RGS7: variants seen among roughly 807,000 people sequenced by gnomAD.
RGS7 encodes regulator of G-protein signaling 7.
Under a neutral mutation model 81.1 loss-of-function variants are expected in RGS7, and 27 were observed. The observed-to-expected ratio is 0.33, with a 90% CI of 0.25 to 0.46. The LOEUF (loss-of-function observed/expected upper bound fraction) is 0.46, where lower values mean the gene tolerates loss of function less well. RGS7 is among the 20% of genes least tolerant of loss of function. The pLI, the probability that RGS7 is intolerant of heterozygous loss-of-function variation, is 1.00. For missense variants in RGS7, 396 were observed against 607.4 expected, an observed-to-expected ratio of 0.65 and a Z score of 3.66; for synonymous variants, 208 against 207.7, an observed-to-expected ratio of 1.00 and a Z score of -0.01.
intron 2 of RGS7, among the ~76,000 whole-genome samples, chr1:241,161,336 C>T (rs953452712): frequency 6.6e-6 from 1 of 152,072 alleles, no homozygotes; most frequent in African/African-American, 2.4e-5. Context: ...CAGCACTCTT[C>T]ACCTAACTGG....
At chr1:241,045,873 C>A (rs1488746641) in intron 3 of RGS7, among the ~76,000 whole-genome samples, 1 of 152,092 alleles carries the variant, frequency 6.6e-6, no homozygotes, top group African/African-American at 2.4e-5. Context: ...GGCAAAGGGG[C>A]CCTGGAGTTC....
chr1:241,125,016 T>C lies in RGS7; in HGVS notation c.79-26254A>G, dbSNP rs541707005. ...AGAAAATACTACTTGGGATGGCAGG[T>C]TGTTTTGCACGGTCATGCCCTTTTA... On this transcript the variant is annotated intron_variant, in intron 2 of 18. Transcript: ENST00000440928. 2.8e-4 allele frequency among the ~76,000 whole-genome samples: 42 copies of C among 152,254 alleles called. No homozygotes were observed. The East Asian group carries it at 7.9e-3, about 29-fold the overall frequency.
intron 2 of RGS7, among the ~76,000 whole-genome samples, chr1:241,138,956 G>A (rs541335173): frequency 6.6e-6 from 1 of 151,834 alleles, no homozygotes; most frequent in African/African-American, 2.4e-5. Flanking sequence ...TCAATTCCAG[G>A]ACCAACGAGA....
At chr1:241,050,928 T>C (rs79953959) in intron 3 of RGS7, among the ~76,000 whole-genome samples, 5,927 of 152,286 alleles carry the variant, frequency 0.039, 125 homozygotes, top group Middle Eastern at 0.048. Flanking sequence ...AGTAAGTTAT[T>C]AGCAGCCAAG....
chr1:241,281,254 G>A (rs1211345877), intron 2 of RGS7, among the ~76,000 whole-genome samples: 1 of 152,180 alleles, frequency 6.6e-6, no homozygotes. Flanking sequence ...TAAAGATGCA[G>A]TATTAAATTA....
At chr1:240,887,359 G>A (rs1396796552) in intron 6 of RGS7, among the ~76,000 whole-genome samples, 3 of 151,396 alleles carry the variant, frequency 2.0e-5, no homozygotes, top group African/African-American at 7.3e-5. Context: ...CTCCCGAGTA[G>A]CTGGGACTGC....
At chr1:240,778,572 C>T (rs189017211) in intron 18 of RGS7, among the ~76,000 whole-genome samples, 4 of 152,270 alleles carry the variant, frequency 2.6e-5, no homozygotes, top group Non-Finnish European at 5.9e-5. Context: ...CTCACTCCGT[C>T]GTCAGGCTGA....
At chr1:241,105,802 T>C (rs2065058159) in intron 2 of RGS7, among the ~76,000 whole-genome samples, 1 of 152,186 alleles carries the variant, frequency 6.6e-6, no homozygotes, top group Admixed American at 6.5e-5. Context: ...AAGAAATGAA[T>C]CAATCAAAAT....
At chr1:241,089,350 C>T (rs1221698180) in intron 3 of RGS7, among the ~76,000 whole-genome samples, 1 of 151,424 alleles carries the variant, frequency 6.6e-6, no homozygotes, top group South Asian at 2.1e-4. Flanking sequence ...AAAAAACATA[C>T]CATTTTGGCA....
intron 9 of RGS7, among the ~76,000 whole-genome samples, chr1:240,866,641 A>G (rs151254218): frequency 8.5e-4 from 130 of 152,214 alleles, no homozygotes; most frequent in African/African-American, 2.8e-3. Context: ...GGCCTCTTGG[A>G]TAACACTCAT....
intron 18 of RGS7, among the ~76,000 whole-genome samples, chr1:240,777,388 T>C (rs549688089): frequency 1.3e-5 from 2 of 152,380 alleles, no homozygotes; most frequent in Admixed American, 6.5e-5. Context: ...GTGGGCCAGT[T>C]ATTTAATGAA....
At position 241,204,280 on chromosome 1, in the gene RGS7, A is replaced by G. The variant is rs571676648; in HGVS notation, c.79-105518T>C. ...ATTGGATTGAAAGGATCCCAGAGGA[A>G]TAAAAAGTTGTAGAAGAAAAGACCA... is the stretch of plus-strand genomic sequence containing the variant. On this transcript the variant is annotated intron_variant, in intron 2 of 18. Transcript: ENST00000440928. Among the ~76,000 whole-genome samples the G allele has an allele frequency of 1.2e-4, 18 of 152,334 alleles. No individual in the cohort carries two copies. In the East Asian group the frequency reaches 1.5e-3, roughly 13 times the overall value.
At chr1:241,218,934 C>A (rs2815865) in intron 2 of RGS7, among the ~76,000 whole-genome samples, 43,836 of 151,890 alleles carry the variant, frequency 0.29, 6,715 homozygotes, top group African/African-American at 0.4. Flanking sequence ...GACTGGGGAA[C>A]CACACTTTGA....
At chr1:240,780,538 T>C (rs1683829443) in intron 18 of RGS7, among the ~76,000 whole-genome samples, 1 of 151,550 alleles carries the variant, frequency 6.6e-6, no homozygotes, top group African/African-American at 2.4e-5. Context: ...TGAATTCTTA[T>C]ATAGTAGAAG....
intron 9 of RGS7, among the ~76,000 whole-genome samples, chr1:240,863,201 C>T (rs1008680239): frequency 6.6e-5 from 10 of 152,082 alleles, no homozygotes; most frequent in Non-Finnish European, 1.0e-4. Flanking sequence ...AGGCCGGGCA[C>T]GGTGGCTCAT....
At chr1:241,341,366 G>C (rs1358597714) in intron 2 of RGS7, among the ~76,000 whole-genome samples, 1 of 152,108 alleles carries the variant, frequency 6.6e-6, no homozygotes, top group Non-Finnish European at 1.5e-5. Flanking sequence ...TTAATAACAA[G>C]TCCACAGGTT....
intron 4 of RGS7, among the ~76,000 whole-genome samples, chr1:240,949,112 T>C (rs1300606211): frequency 6.6e-6 from 1 of 152,154 alleles, no homozygotes; most frequent in Non-Finnish European, 1.5e-5. Flanking sequence ...AGACTAGGAA[T>C]GGAAGGATTT....
At chr1:240,876,587 AAG>A (rs1665454599) in intron 6 of RGS7, among the ~76,000 whole-genome samples, 1 of 152,156 alleles carries the variant, frequency 6.6e-6, no homozygotes, top group African/African-American at 2.4e-5. Context: ...AGAAGAGTGA[AAG>A]AGAGCTGCTG....
chr1:241,015,042 T>C (rs905374947), intron 3 of RGS7, among the ~76,000 whole-genome samples: 5 of 152,212 alleles, frequency 3.3e-5, no homozygotes, highest in African/African-American at 1.2e-4. Flanking sequence ...CAGTCTCCAG[T>C]GTGTTTATGG....
Sources: allele counts gnomAD v4.1 joint callset (sites outside exome capture counted in the v4.1 genomes callset), GRCh38; gene constraint gnomAD v4.1.1; transcripts MANE v1.5; gene names NCBI Gene and HGNC (gene_info 2026-07-23, HGNC 2026-07-21).